FAAH: variants seen among roughly 807,000 people sequenced by gnomAD.
The protein encoded by FAAH is fatty-acid amide hydrolase 1.
Under a neutral mutation model 69.7 loss-of-function variants are expected in FAAH, and 63 were observed. That is an observed-to-expected ratio of 0.90 (90% CI 0.74 to 1.12). The LOEUF (loss-of-function observed/expected upper bound fraction) is 1.12. FAAH is among the 50% of genes most tolerant of loss of function. The pLI, the probability that FAAH is intolerant of heterozygous loss-of-function variation, is 0.00. For synonymous variants in FAAH, 305 were observed against 324.2 expected, an observed-to-expected ratio of 0.94 and a Z score of 0.64; for missense variants, 680 against 755.0, an observed-to-expected ratio of 0.90 and a Z score of 1.16.
rs74861958 is a variant in FAAH at position 46,404,520 on chromosome 1, A to C, written c.310-494A>C. On this transcript the variant is annotated intron_variant, in intron 2 of 14. Transcript: ENST00000243167. This position sits in a 1 kb window ranked among gnomAD's most constrained non-coding sequence, Gnocchi z 4.5. The stretch of plus-strand genomic sequence containing the variant: ...GTAAGGGGAGGCTTGACTGGGCTAC[A>C]TGTGGGGAAGGCGTGGGGTTGAGGA... 6.6e-6 allele frequency among the ~76,000 whole-genome samples: 1 copy of C among 152,190 alleles called. No individual in the cohort carries two copies. The highest frequency in any genetic ancestry group is 1.5e-5 in the Non-Finnish European group (1 of 68,024).
intron 7 of FAAH, among the ~76,000 whole-genome samples, 187 bp downstream of exon 7, chr1:46,406,555 C>CTT (rs527478594): frequency 2.2e-4 from 30 of 136,176 alleles, no homozygotes; most frequent in African/African-American, 4.0e-4. Flanking sequence ...AATCCTCAGG[C>CTT]TTTTTTTTTT....
In FAAH at chr1:46,406,332, G is replaced by A; in HGVS notation, c.915G>A (p.Leu305=). 6.2e-7 allele frequency: 1 copy of A among 1,613,822 alleles called. No homozygotes were observed. Among genetic ancestry groups the A allele is most frequent in the Non-Finnish European group, 8.5e-7 (1 of 1,179,844 alleles). The change falls in exon 7 of 15, where the codon TTG becomes TTA. Residue 305 remains leucine (L), a synonymous_variant. Coordinates refer to ENST00000243167, the MANE Select transcript of FAAH (RefSeq NM_001441.3). The part of the protein sequence containing the change: ...RALLCEDMFR[L]DPTVPPLPFR... ...TGCTGTGTGAGGACATGTTCCGCTT[G>A]GACCCCACTGTGCCTCCCTTGCCCT...
chr1:46,394,581 G>C, intron 1 of FAAH, 38 bp downstream of exon 1: 2 of 1,294,494 alleles, frequency 1.5e-6, no homozygotes, highest in South Asian at 2.5e-5. Flanking sequence ...CGCGGCCTGA[G>C]GGTACTCGCA....
Position 46,410,608 on chromosome 1 carries a change from G to A in FAAH, c.1275+111G>A, listed in dbSNP as rs1387826274. 9 of 1,145,382 alleles carry A rather than the reference G, an allele frequency of 7.9e-6. No homozygotes were observed. Among genetic ancestry groups the A allele is most frequent in the Non-Finnish European group, 1.2e-5 (9 of 763,994 alleles). 71.0% of individuals were successfully genotyped at this position (1,145,382 alleles called of 1,614,324 possible). ...GCCTCTCTTGGTTTGGGCAGGCATG[G>A]CCTCCTCTTCTCTCCAGTCCCCACC... On this transcript the variant is annotated intron_variant, in intron 10 of 14. Coordinates refer to ENST00000243167, the MANE Select transcript of FAAH (RefSeq NM_001441.3). The surrounding 1 kb of genome is among the most constrained non-coding windows in gnomAD (Gnocchi z 4.9).
At chr1:46,403,663 C>T (rs1229279338) in intron 2 of FAAH, among the ~76,000 whole-genome samples, 3 of 152,258 alleles carry the variant, frequency 2.0e-5, no homozygotes, top group African/African-American at 7.2e-5. Context: ...TTCTTTGCCC[C>T]TGTCCGTGCC....
At chr1:46,412,648 A>C (rs45510997) in intron 13 of FAAH, among the ~76,000 whole-genome samples, 2,236 of 152,024 alleles carry the variant, frequency 0.015, 63 homozygotes, top group African/African-American at 0.051. Context: ...CTGTTGCTAC[A>C]AAAAATAGAA....
chr1:46,413,228 C>T lies in FAAH; in HGVS notation c.1611+8C>T, dbSNP rs1664948483. On this transcript the variant is annotated splice_region_variant and intron_variant, in intron 14 of 14. Coordinates refer to ENST00000243167, the MANE Select transcript of FAAH (RefSeq NM_001441.3). ...GACAAGATGCTGCAGAAGGTGAGGA[C>T]TGACCTGCCCCTCAACTGGACTCAC... 2 of 1,613,982 alleles carry T rather than the reference C, an allele frequency of 1.2e-6. No homozygotes were observed. Among genetic ancestry groups the T allele is most frequent in the Non-Finnish European group, 8.5e-7 (1 of 1,180,024 alleles).
At chr1:46,397,293 G>C (rs1022124074) in intron 1 of FAAH, among the ~76,000 whole-genome samples, 1 of 152,274 alleles carries the variant, frequency 6.6e-6, no homozygotes, top group Non-Finnish European at 1.5e-5. Context: ...ATGGTAGCAG[G>C]ATGGGTCTTC....
rs200224790 is a variant in FAAH at position 46,413,677 on chromosome 1, G to A, written c.*102G>A. 1.8e-5 allele frequency: 28 copies of A among 1,560,320 alleles called. No individual in the cohort carries two copies. The Middle Eastern group carries it at 5.4e-4, about 30-fold the overall frequency. On this transcript the variant is annotated 3_prime_UTR_variant, in exon 15 of 15. Transcript: ENST00000243167. ...ACAGCAAGGAAATGTCCTGCATGGG[G>A]CAGAGGCTTCCGTGTCCTCTCCCCC...
At position 46,410,849 on chromosome 1, in the gene FAAH, G is replaced by A. The variant is rs746089299; in HGVS notation, c.1311G>A (p.Lys437=). The A allele has an allele frequency of 1.2e-6, 2 of 1,614,212 alleles. No individual in the cohort carries two copies. Among genetic ancestry groups the A allele is most frequent in the South Asian group, 2.2e-5 (2 of 91,086 alleles). ...TGTCAGCTTTCCTCAGCAACATGAAGTCTCGGTAAGGGTTCTTCTGTGTCT... is the reference window on the plus strand; with the variant it reads ...TGTCAGCTTTCCTCAGCAACATGAAATCTCGGTAAGGGTTCTTCTGTGTCT... ...PRLSAFLSNM[K]SRSAGKLWEL... is the part of the protein sequence containing the mutation. The change falls in exon 11 of 15, where the codon AAG becomes AAA. Residue 437 remains lysine, a synonymous_variant. Transcript: ENST00000243167. The surrounding 1 kb of genome is among the most constrained non-coding windows in gnomAD (Gnocchi z 4.9).
At chr1:46,396,007 C>A (rs889125975) in intron 1 of FAAH, among the ~76,000 whole-genome samples, 1 of 151,812 alleles carries the variant, frequency 6.6e-6, no homozygotes, top group African/African-American at 2.4e-5. Context: ...GGAGGACCCG[C>A]GCCAGCACTG....
chr1:46,402,678 A>G (rs989684544), intron 2 of FAAH, among the ~76,000 whole-genome samples: 17 of 151,810 alleles, frequency 1.1e-4, no homozygotes, highest in African/African-American at 3.9e-4. Context: ...ACACCCGGCT[A>G]ATGAAAAGAA....
chr1:46,400,386 C>G (rs1481495540), intron 1 of FAAH, among the ~76,000 whole-genome samples: 1 of 152,078 alleles, frequency 6.6e-6, no homozygotes, highest in Non-Finnish European at 1.5e-5. Context: ...GGTGCAGGAC[C>G]TGGGCAGGGC....
Position 46,406,320 on chromosome 1 carries a change from C to T in FAAH, c.903C>T (p.Asp301=), listed in dbSNP as rs751372513. 1.9e-6 allele frequency: 3 copies of T among 1,613,854 alleles called. No homozygotes were observed. Among genetic ancestry groups the T allele is most frequent in the Non-Finnish European group, 2.5e-6 (3 of 1,179,832 alleles). The part of the protein sequence containing the change: ...ALCLRALLCE[D]MFRLDPTVPP... ...GCCTGCGAGCCCTGCTGTGTGAGGA[C>T]ATGTTCCGCTTGGACCCCACTGTGC... Residue 301 remains aspartate, a synonymous_variant, in exon 7 of 15, where the codon GAC becomes GAT. Transcript: ENST00000243167.
intron 1 of FAAH, among the ~76,000 whole-genome samples, chr1:46,401,621 A>AC (rs757450744): frequency 2.6e-5 from 4 of 152,160 alleles, no homozygotes; most frequent in African/African-American, 7.2e-5. Flanking sequence ...GCAAGAAGGC[A>AC]CCTCTCTCTC....
chr1:46,403,718 C>T (rs1664744067), intron 2 of FAAH, among the ~76,000 whole-genome samples: 1 of 152,236 alleles, frequency 6.6e-6, no homozygotes, highest in African/African-American at 2.4e-5. Flanking sequence ...GCAGGAGGCA[C>T]CGTCTTCCAT....
Position 46,394,378 on chromosome 1 carries a change from G to C in FAAH, c.30G>C (p.Leu10=). 1 of 1,546,292 alleles carries C rather than the reference G, an allele frequency of 6.5e-7. No homozygotes were observed. The highest frequency in any genetic ancestry group is 1.2e-5 in the South Asian group (1 of 84,114). Residue 10 remains leucine (L), a synonymous_variant, in exon 1 of 15, where the codon CTG becomes CTC. Transcript: ENST00000243167. ...TGCAGTACGAGCTGTGGGCCGCGCT[G>C]CCTGGCGCCTCCGGGGTCGCCCTGG... MVQYELWAA[L]PGASGVALAC...
chr1:46,413,177 A>G lies in FAAH; in HGVS notation c.1568A>G (p.Tyr523Cys), dbSNP rs922947360. The change falls in exon 14 of 15, where the codon TAC becomes TGC. Residue 523 changes from tyrosine to cysteine, a missense_variant. Transcript: ENST00000243167. Reference sequence around the variant, plus strand: ...GAGGACGAGGCCCAGATGGAACATTACAGGGGCTACTTTGGGGATATCTGG... The same window carrying G: ...GAGGACGAGGCCCAGATGGAACATTGCAGGGGCTACTTTGGGGATATCTGG... Reference protein sequence around the residue: ...TAEDEAQMEHYRGYFGDIWDK... With the variant: ...TAEDEAQMEHCRGYFGDIWDK... 2 of 1,614,048 alleles carry G rather than the reference A, an allele frequency of 1.2e-6. No homozygotes were observed. The highest frequency in any genetic ancestry group is 2.2e-5 in the East Asian group (1 of 44,896).
intron 1 of FAAH, among the ~76,000 whole-genome samples, chr1:46,399,579 C>T (rs538664524): frequency 1.2e-3 from 190 of 152,312 alleles, no homozygotes; most frequent in African/African-American, 4.2e-3. Flanking sequence ...CGCCTTGTAG[C>T]GAGGTCGGGG....
Sources: allele counts gnomAD v4.1 joint callset (sites outside exome capture counted in the v4.1 genomes callset), GRCh38; gene constraint gnomAD v4.1.1; non-coding constraint Gnocchi (gnomAD v3.1); transcripts MANE v1.5; gene names NCBI Gene and HGNC (gene_info 2026-07-23, HGNC 2026-07-21).